ATP6V1A: variants seen among roughly 807,000 people sequenced by gnomAD.
ATP6V1A encodes the protein V-type proton ATPase catalytic subunit A.
A neutral mutation model predicts 70.1 loss-of-function variants in ATP6V1A; 18 were observed. The observed-to-expected ratio is 0.26, with a 90% CI of 0.18 to 0.38. The LOEUF is 0.38. ATP6V1A is among the 10% of genes least tolerant of loss of function. The pLI, the probability that ATP6V1A is intolerant of heterozygous loss-of-function variation, is 1.00. For missense variants in ATP6V1A, 424 were observed against 772.4 expected (o/e 0.55, Z 5.35); for synonymous variants, 232 against 253.8 (o/e 0.91, Z 0.82).
intron 1 of ATP6V1A, 159 bp downstream of exon 1, chr3:113,747,272 C>T (rs1708533933): frequency 6.6e-6 from 1 of 152,346 alleles, no homozygotes; most frequent in South Asian, 2.1e-4. Flanking sequence ...CCTTAACCCC[C>T]GCTCCCCCAA....
At chr3:113,781,623 G>C (rs1054006863) in intron 3 of ATP6V1A, among the ~76,000 whole-genome samples, 1 of 152,160 alleles carries the variant, frequency 6.6e-6, no homozygotes, top group African/African-American at 2.4e-5. Flanking sequence ...GAAGAGACCT[G>C]AATTATGCAG....
At chr3:113,798,504 G>C (rs1709177374) in intron 12 of ATP6V1A, 58 bp downstream of exon 12, 3 of 1,522,702 alleles carry the variant, frequency 2.0e-6, no homozygotes, top group Non-Finnish European at 2.7e-6. Flanking sequence ...GTGTTTCAAG[G>C]ACAGATAGAG....
chr3:113,801,394 C>G (rs1559760778), intron 12 of ATP6V1A, among the ~76,000 whole-genome samples: 1 of 152,106 alleles, frequency 6.6e-6, no homozygotes, highest in Non-Finnish European at 1.5e-5. Flanking sequence ...GAGAATTGCT[C>G]AAACAACACT....
chr3:113,752,673 A>G (rs1326346973), intron 1 of ATP6V1A, among the ~76,000 whole-genome samples: 1 of 152,062 alleles, frequency 6.6e-6, no homozygotes, highest in African/African-American at 2.4e-5. Context: ...GTGCAGCAGA[A>G]TTTTAAAAAG....
In ATP6V1A at chr3:113,798,340, A is replaced by G; in HGVS notation, c.1388A>G (p.Glu463Gly). 6.2e-7 allele frequency: 1 copy of G among 1,614,008 alleles called. No homozygotes were observed. Among genetic ancestry groups the G allele is most frequent in the Non-Finnish European group, 8.5e-7 (1 of 1,179,976 alleles). The change falls in exon 12 of 15, where the codon GAA becomes GGA. Residue 463 changes from glutamate to glycine, a missense_variant. By Grantham distance (98) the Glu-to-Gly change is moderately conservative. Around this residue, in one of 9 missense-constraint regions of ATP6V1A, gnomAD observed 127 missense variants for 207.9 expected, o/e 0.61. Coordinates refer to ENST00000273398, the MANE Select transcript of ATP6V1A (RefSeq NM_001690.4). ...SYSKYMRALD[E>G]YYDKHFTEFV... is the part of the protein sequence containing the mutation. ...AGCAAGTATATGCGTGCCTTGGATG[A>G]ATACTATGACAAACACTTCACAGAG...
At chr3:113,782,212 C>G (rs796419826) in intron 3 of ATP6V1A, among the ~76,000 whole-genome samples, 34 of 152,202 alleles carry the variant, frequency 2.2e-4, no homozygotes, top group African/African-American at 6.5e-4. Context: ...ACAAAATCAT[C>G]TAGAAATTTT....
chr3:113,784,912 A>G, intron 5 of ATP6V1A, 79 bp downstream of exon 5: 1 of 1,396,336 alleles, frequency 7.2e-7, no homozygotes, highest in Non-Finnish European at 9.7e-7. Context: ...GCCCTAAGTA[A>G]TTAAAGAATT....
At chr3:113,761,272 T>C (rs1708702147) in intron 1 of ATP6V1A, among the ~76,000 whole-genome samples, 1 of 152,078 alleles carries the variant, frequency 6.6e-6, no homozygotes, top group Non-Finnish European at 1.5e-5. Flanking sequence ...ATAGCATTTT[T>C]AGTACAACAC....
chr3:113,757,487 C>T (rs1708658371), intron 1 of ATP6V1A, among the ~76,000 whole-genome samples: 1 of 152,234 alleles, frequency 6.6e-6, no homozygotes, highest in Admixed American at 6.5e-5. Flanking sequence ...ACAAACCCTT[C>T]TATGCCTCAT....
intron 1 of ATP6V1A, among the ~76,000 whole-genome samples, chr3:113,761,232 G>A (rs908264542): frequency 4.6e-5 from 7 of 151,656 alleles, no homozygotes; most frequent in African/African-American, 1.7e-4. Flanking sequence ...ATGAGCCACC[G>A]TACCTAGACA....
intron 8 of ATP6V1A, 62 bp downstream of exon 8, chr3:113,789,902 A>G (rs1040069965): frequency 7.1e-6 from 9 of 1,267,888 alleles, no homozygotes; most frequent in African/African-American, 4.5e-5. Flanking sequence ...GCTAGCACCA[A>G]ACTTTTCTAA....
Position 113,788,800 on chromosome 3 carries a change from C to T in ATP6V1A, c.804C>T (p.Asn268=). The T allele has an allele frequency of 6.2e-7, 1 of 1,613,822 alleles. No individual in the cohort carries two copies. The highest frequency in any genetic ancestry group is 8.5e-7 in the Non-Finnish European group (1 of 1,179,842). ...VISQSLSKYS[N]SDVIIYVGCG... ...CACAGTCTCTATCCAAGTATTCTAA[C>T]AGTGATGTAATCATCTATGTAGGAT... is the stretch of plus-strand genomic sequence containing the variant. The change falls in exon 7 of 15, where the codon AAC becomes AAT. Residue 268 remains asparagine (N), a synonymous_variant. Coordinates refer to ENST00000273398, the MANE Select transcript of ATP6V1A (RefSeq NM_001690.4).
rs1253649413 is a variant in ATP6V1A, at chr3:113,811,061, C to G, written c.*1634C>G. On this transcript the variant is annotated 3_prime_UTR_variant, in exon 15 of 15. Transcript: ENST00000273398. ...TGTGTCTGCATATTGCAGAACAGCT[C>G]TGAGAGCAACAGTTTCCCATTAACT... The G allele has an allele frequency of 1.3e-5, 2 of 152,192 alleles. No individual in the cohort carries two copies. Among genetic ancestry groups the G allele is most frequent in the African/African-American group, 4.8e-5 (2 of 41,438 alleles). 9.4% of individuals were successfully genotyped at this position (152,192 alleles called of 1,614,324 possible).
intron 8 of ATP6V1A, 109 bp from the exon 9 acceptor site, chr3:113,794,763 A>G: frequency 7.9e-7 from 1 of 1,269,060 alleles, no homozygotes; most frequent in Non-Finnish European, 1.1e-6. Flanking sequence ...GGGAGCCACT[A>G]GCAGTCTACG....
chr3:113,795,820 A>G, intron 10 of ATP6V1A, 56 bp from the exon 11 acceptor site: 1 of 1,351,014 alleles, frequency 7.4e-7, no homozygotes, highest in Non-Finnish European at 1.0e-6. Flanking sequence ...GTTATTTTTC[A>G]TAAGCATTTC....
At chr3:113,796,860 A>G (rs1709157333) in intron 11 of ATP6V1A, among the ~76,000 whole-genome samples, 1 of 152,264 alleles carries the variant, frequency 6.6e-6, no homozygotes, top group Non-Finnish European at 1.5e-5. Flanking sequence ...TGCCCTTACA[A>G]AAATCACTGT....
intron 3 of ATP6V1A, among the ~76,000 whole-genome samples, chr3:113,781,524 GA>G (rs541740531): frequency 5.4e-5 from 8 of 146,880 alleles, no homozygotes; most frequent in Non-Finnish European, 9.0e-5. Context: ...TCTCAGAAAA[GA>G]AAAAAAAAAT....
At position 113,810,415 on chromosome 3, in the gene ATP6V1A, A is replaced by G. The variant is rs998132694; in HGVS notation, c.*988A>G. On this transcript the variant is annotated 3_prime_UTR_variant, in exon 15 of 15. Coordinates refer to ENST00000273398, the MANE Select transcript of ATP6V1A (RefSeq NM_001690.4). ...TATGAAATAGTACCCTCTAAAAAAG[A>G]GAAAAAAAAAATCAGGCGGTCAAAC... 10 of 152,112 alleles carry G rather than the reference A, an allele frequency of 6.6e-5. No homozygotes were observed. Among genetic ancestry groups the G allele is most frequent in the African/African-American group, 2.4e-4 (10 of 41,406 alleles). 9.4% of individuals were successfully genotyped at this position (152,112 alleles called of 1,614,324 possible).
At chr3:113,771,469 G>A (rs1383366696) in intron 1 of ATP6V1A, among the ~76,000 whole-genome samples, 53 of 126,230 alleles carry the variant, frequency 4.2e-4, no homozygotes, top group African/African-American at 1.6e-3. Flanking sequence ...ACGGAGTCTC[G>A]CTCTGTCGCC....
Sources: allele counts gnomAD v4.1 joint callset (sites outside exome capture counted in the v4.1 genomes callset), GRCh38; gene constraint gnomAD v4.1.1; regional missense constraint gnomAD v4.1.1; transcripts MANE v1.5; gene names NCBI Gene and HGNC (gene_info 2026-07-23, HGNC 2026-07-21).